The following CCDC30 variants were observed in gnomAD, a reference collection of about 807,000 sequenced individuals.
CCDC30 encodes coiled-coil domain-containing protein 30.
CCDC30 carries 70 observed loss-of-function variants against 100.2 expected under a neutral mutation model. That is an observed-to-expected ratio of 0.70 (90% CI 0.58 to 0.85). CCDC30 has a LOEUF of 0.85. Among genes scored for constraint, CCDC30 ranks in the 40% least tolerant of loss-of-function variants. The probability of loss-of-function intolerance (pLI) is 0.00; values close to 1 mark genes in which losing one functional copy is unlikely to be tolerated. For synonymous variants in CCDC30, 233 were observed against 269.5 expected, an observed-to-expected ratio of 0.86 and a Z score of 1.33; for missense variants, 652 against 771.2, an observed-to-expected ratio of 0.85 and a Z score of 1.83.
At chr1:42,553,424 T>C (rs1645296750) in intron 6 of CCDC30, among the ~76,000 whole-genome samples, 1 of 137,796 alleles carries the variant, frequency 7.3e-6, no homozygotes, top group South Asian at 2.3e-4. Context: ...TTGTACTTAA[T>C]GGTAAAAATA....
At chr1:42,572,483 GATGAATCAAAGTTTTTA>G (rs1443921815) in intron 7 of CCDC30, among the ~76,000 whole-genome samples, 2 of 151,808 alleles carry the variant, frequency 1.3e-5, no homozygotes, top group African/African-American at 2.4e-5. Context: ...TATATCTTTT[GATGAATCAAAGTTTTTA>G]ATTTTAATAT....
At chr1:42,518,708 A>G (rs1176777206) in intron 6 of CCDC30, among the ~76,000 whole-genome samples, 2 of 152,226 alleles carry the variant, frequency 1.3e-5, no homozygotes, top group African/African-American at 4.8e-5. Flanking sequence ...CTTAGGATGT[A>G]TTCCTGTCAT....
chr1:42,644,625 T>G, intron 13 of CCDC30, 68 bp from the exon 18 acceptor site: 4 of 892,452 alleles, frequency 4.5e-6, no homozygotes, highest in Non-Finnish European at 7.4e-6. Context: ...GGAAGTGGGA[T>G]GTAGTTTTGG....
At chr1:42,477,133 T>G (rs1643892444) in intron 1 of CCDC30, among the ~76,000 whole-genome samples, 1 of 152,158 alleles carries the variant, frequency 6.6e-6, no homozygotes. Context: ...TTCCGGCATT[T>G]CTGGTAATTC....
At chr1:42,642,478 G>A (rs764570516) in exon 13 of CCDC30, 1 of 1,567,634 alleles carries the variant, frequency 6.4e-7, no homozygotes, top group South Asian at 1.2e-5. Flanking sequence ...CCTAGGAGAA[G>A]GCAATACAGG....
rs61729294 is a variant in CCDC30 at position 42,539,202 on chromosome 1, A to G, written c.457-27094A>G. 2,401 of 1,605,432 alleles carry G rather than the reference A, an allele frequency of 1.5e-3. 35 individuals are homozygous for G. In the African/African-American group the frequency reaches 0.027, roughly 18 times the overall value. ...TGCAAAAATCAAAGTCAGAGCTTAT[A>G]TGCCTTTATAATGAAGTTCACAATC... On this transcript the variant is annotated intron_variant, in intron 6 of 16. Transcript: ENST00000668663.
chr1:42,598,877 A>T (rs1646346069), intron 10 of CCDC30, among the ~76,000 whole-genome samples: 2 of 152,206 alleles, frequency 1.3e-5, no homozygotes, highest in Admixed American at 1.3e-4. Flanking sequence ...CCTGGGCAAC[A>T]TAGTGAGACT....
chr1:42,497,706 A>C (rs1437464829), intron 5 of CCDC30, among the ~76,000 whole-genome samples: 1 of 152,184 alleles, frequency 6.6e-6, no homozygotes, highest in Non-Finnish European at 1.5e-5. Context: ...TACCTGGCAT[A>C]ATACTAGGTG....
At chr1:42,560,247 C>A (rs1030884639) in intron 6 of CCDC30, among the ~76,000 whole-genome samples, 2 of 152,072 alleles carry the variant, frequency 1.3e-5, no homozygotes, top group African/African-American at 4.8e-5. Context: ...AGAGGCAGAG[C>A]AAACTAATCC....
At chr1:42,545,711 C>A in intron 6 of CCDC30, 132 bp downstream of exon 9, 1 of 702,962 alleles carries the variant, frequency 1.4e-6, no homozygotes, top group Non-Finnish European at 2.3e-6. Flanking sequence ...CTTCGGGAGA[C>A]TGAGGCAGGC....
rs532321875 is a variant in CCDC30, at chr1:42,471,078, C to T, written c.-92+7180C>T. ...TTAGCTCAGGCTGTTGATAAGGACTCAGGTGTAGCCATGAGGATGGGCAGC... is the reference window on the plus strand; with the variant it reads ...TTAGCTCAGGCTGTTGATAAGGACTTAGGTGTAGCCATGAGGATGGGCAGC... On this transcript the variant is annotated intron_variant, in intron 1 of 16. Transcript: ENST00000668663. Among the ~76,000 whole-genome samples, 11 of 152,280 alleles carry T rather than the reference C, an allele frequency of 7.2e-5. No homozygotes were observed. The South Asian group carries it at 2.3e-3, about 32-fold the overall frequency.
intron 4 of CCDC30, chr1:42,491,959 T>C: frequency 2.2e-6 from 2 of 895,524 alleles, no homozygotes; most frequent in South Asian, 3.6e-5. Flanking sequence ...CTTGCTGATC[T>C]GCAGAATGAT....
chr1:42,456,522 C>T, the CCDC30 span: 1 of 1,436,044 alleles, frequency 7.0e-7, no homozygotes, highest in Non-Finnish European at 9.1e-7. Flanking sequence ...GGGCGTGGCG[C>T]GGCGGCCGCG....
intron 6 of CCDC30, among the ~76,000 whole-genome samples, chr1:42,553,198 T>G (rs1428458627): frequency 1.3e-5 from 2 of 152,094 alleles, no homozygotes; most frequent in Non-Finnish European, 2.9e-5. Context: ...TTTTTGTTTT[T>G]TTTTTGTTGT....
intron 10 of CCDC30, among the ~76,000 whole-genome samples, chr1:42,608,243 T>C (rs1443147783): frequency 6.6e-6 from 1 of 152,148 alleles, no homozygotes; most frequent in Non-Finnish European, 1.5e-5. Flanking sequence ...ATGGAAAGGA[T>C]TGTCAACTAT....
At chr1:42,472,118 G>A (rs1225068556) in intron 1 of CCDC30, among the ~76,000 whole-genome samples, 1 of 152,092 alleles carries the variant, frequency 6.6e-6, no homozygotes, top group Non-Finnish European at 1.5e-5. Flanking sequence ...GCCAGGTGTG[G>A]TGGCACACAC....
intron 6 of CCDC30, among the ~76,000 whole-genome samples, chr1:42,519,201 T>C (rs947263089): frequency 1.3e-5 from 2 of 152,214 alleles, no homozygotes; most frequent in African/African-American, 2.4e-5. Context: ...TTGTTGAGGA[T>C]TTTTTCATCA....
At chr1:42,607,919 G>T (rs1646535372) in intron 10 of CCDC30, among the ~76,000 whole-genome samples, 1 of 152,156 alleles carries the variant, frequency 6.6e-6, no homozygotes, top group Non-Finnish European at 1.5e-5. Context: ...TTTTGATGTT[G>T]GACAAATGCC....
At chr1:42,515,038 T>G (rs1644534300) in intron 6 of CCDC30, among the ~76,000 whole-genome samples, 1 of 152,158 alleles carries the variant, frequency 6.6e-6, no homozygotes, top group Admixed American at 6.5e-5. Context: ...TATTTGGAAA[T>G]AGTACTTTTG....
Sources: gnomAD v4.1 joint callset for allele counts (sites outside exome capture counted in the v4.1 genomes callset) on GRCh38, gnomAD v4.1.1 for gene constraint, MANE v1.5 for transcripts, NCBI Gene and HGNC (gene_info 2026-07-23, HGNC 2026-07-21) for gene names.